The following NEMF variants were observed in gnomAD, a reference collection of about 807,000 sequenced individuals.
NEMF encodes nuclear export mediator factor.
Under a neutral mutation model 162.2 loss-of-function variants are expected in NEMF, and 89 were observed. The ratio of observed to expected loss-of-function variants is 0.55; its 90% CI spans 0.46 to 0.65. The LOEUF is 0.65. Among genes scored for constraint, NEMF ranks in the 30% least tolerant of loss-of-function variants. NEMF has a pLI of 0.00. For missense variants in NEMF, 1,133 were observed against 1,261.9 expected (o/e 0.90, Z 1.55); for synonymous variants, 421 against 404.5 (o/e 1.04, Z -0.49).
chr14:49,851,651 G>C lies in NEMF; in HGVS notation c.143C>G (p.Ala48Gly). ...LIRLQKPDFK[A>G]TLLLESGIRI... ...TATGCCAGATTCAAGTAAAAGTGTA[G>C]CTTTAAAGTCCGGTCTGTAGAAGAA... Residue 48 changes from alanine to glycine, a missense_variant, in exon 3 of 33, where the codon GCT (alanine) becomes GGT (glycine). By Grantham distance (60) the Ala-to-Gly change is moderately conservative (BLOSUM62 0). Coordinates refer to ENST00000298310, the MANE Select transcript of NEMF (RefSeq NM_004713.6). The C allele has an allele frequency of 6.2e-7, 1 of 1,613,598 alleles. No individual in the cohort carries two copies. The highest frequency in any genetic ancestry group is 1.1e-5 in the South Asian group (1 of 91,066).
chr14:49,828,702 CTTTT>C lies in NEMF; in HGVS notation c.1334_1337del (p.Gln445ArgfsTer16). Reference sequence around the variant, plus strand: ...TCTGAGGCTTCTGCAGCTGTTTATTCTTTTGTTTTTTCTTTTTTCCTTTTGGTGG... The same window carrying C: ...TCTGAGGCTTCTGCAGCTGTTTATTCGTTTTTTCTTTTTTCCTTTTGGTGG... On this transcript the variant is annotated frameshift_variant, in exon 14 of 33. Coordinates refer to ENST00000298310, the MANE Select transcript of NEMF (RefSeq NM_004713.6). LOFTEE classifies it high-confidence loss of function. The C allele has an allele frequency of 1.9e-6, 3 of 1,606,832 alleles. No individual in the cohort carries two copies. The highest frequency in any genetic ancestry group is 1.7e-5 in the Admixed American group (1 of 57,846).
chr14:49,833,362 G>A (rs909844534), intron 8 of NEMF, 61 bp downstream of exon 8: 9 of 1,012,546 alleles, frequency 8.9e-6, no homozygotes, highest in East Asian at 4.9e-5. Flanking sequence ...TTTAATGAAC[G>A]TTTAATTTCT....
Position 49,828,795 on chromosome 14 carries a change from C to T in NEMF, c.1245G>A (p.Leu415=), listed in dbSNP as rs985916082. 6.5e-7 allele frequency: 1 copy of T among 1,538,726 alleles called. No homozygotes were observed. The highest frequency in any genetic ancestry group is 8.8e-7 in the Non-Finnish European group (1 of 1,139,270). ...CATCATCATCTTCCTCCTCTGATAA[C>T]AAGTATGGATTTCTATTAAAAATAT... is the stretch of plus-strand genomic sequence containing the variant. ...HVTMLLRNPY[L]LSEEEDDDVD... is the part of the protein sequence containing the mutation. The change falls in exon 14 of 33, where the codon TTG becomes TTA. Residue 415 remains leucine, a synonymous_variant. Transcript: ENST00000298310.
At chr14:49,831,144 T>C (rs1298277584) in intron 11 of NEMF, among the ~76,000 whole-genome samples, 155 bp downstream of exon 11, 3 of 152,208 alleles carry the variant, frequency 2.0e-5, no homozygotes, top group East Asian at 3.8e-4. Context: ...CCCATGGACC[T>C]TCTTCATAAA....
Position 49,838,207 on chromosome 14 carries a change from CTGTGAAACAA to C in NEMF, c.507-11_507-2del. 6.2e-7 allele frequency: 1 copy of C among 1,613,742 alleles called. No homozygotes were observed. The highest frequency in any genetic ancestry group is 8.5e-7 in the Non-Finnish European group (1 of 1,179,732). ...TGCGCTGGCTACTATTTCAGTCAACCTGTGAAACAAAACGGACATGCCTCTATCATATCTT... is the reference window on the plus strand; with the variant it reads ...TGCGCTGGCTACTATTTCAGTCAACCAACGGACATGCCTCTATCATATCTT... On this transcript the variant is annotated splice_acceptor_variant and splice_polypyrimidine_tract_variant and intron_variant, in intron 5 of 32. Coordinates refer to ENST00000298310, the MANE Select transcript of NEMF (RefSeq NM_004713.6). LOFTEE classifies it high-confidence loss of function.
chr14:49,805,390 C>T (rs1020036401), intron 19 of NEMF, among the ~76,000 whole-genome samples: 1 of 151,626 alleles, frequency 6.6e-6, no homozygotes, highest in African/African-American at 2.4e-5. Context: ...TGGCCAGGCA[C>T]CATGGCTCAT....
At chr14:49,838,481 T>C (rs1254159827) in intron 5 of NEMF, among the ~76,000 whole-genome samples, 1 of 152,134 alleles carries the variant, frequency 6.6e-6, no homozygotes, top group Non-Finnish European at 1.5e-5. Context: ...GACATAAAAA[T>C]GACATTTTTC....
Position 49,838,813 on chromosome 14 carries a change from T to C in NEMF, c.507-607A>G, listed in dbSNP as rs967712913. Among the ~76,000 whole-genome samples the C allele has an allele frequency of 4.6e-5, 7 of 152,250 alleles. No individual in the cohort carries two copies. In the South Asian group the frequency reaches 8.3e-4, roughly 18 times the overall value. On this transcript the variant is annotated intron_variant, in intron 5 of 32. Transcript: ENST00000298310. ...GTTAGCCAGGATGGTCTCAATCTCC[T>C]GACCTTGTGATCCGCCCACCTTGGC...
rs1891173877 is a variant in NEMF at position 49,806,064 on chromosome 14, T to A, written c.1814A>T (p.Asp605Val). The change falls in exon 19 of 33, where the codon GAT becomes GTT. Residue 605 changes from aspartate (D) to valine (V), a missense_variant. Transcript: ENST00000298310. ...TMALCYSAAW[D>V]ARVITSAWWV... ...CCAAGCACTAGTGATAACTCGTGCA[T>A]CCCAAGCAGCACTGTAGCAAAGTGC... The A allele has an allele frequency of 1.2e-6, 2 of 1,611,474 alleles. No individual in the cohort carries two copies. Among genetic ancestry groups the A allele is most frequent in the South Asian group, 1.1e-5 (1 of 90,948 alleles).
chr14:49,784,758 A>G, intron 32 of NEMF, 45 bp from the exon 33 acceptor site: 1 of 1,524,456 alleles, frequency 6.6e-7, no homozygotes, highest in Non-Finnish European at 9.0e-7. Context: ...CTGTATGGTC[A>G]ATCATGTTTC....
chr14:49,790,345 T>C (rs1177137662), intron 26 of NEMF, among the ~76,000 whole-genome samples: 25 of 151,998 alleles, frequency 1.6e-4, no homozygotes, highest in Non-Finnish European at 1.5e-5. Context: ...ATACATCAAC[T>C]AGAAAGACAG....
intron 14 of NEMF, 78 bp downstream of exon 14, chr14:49,828,538 A>C (rs1445024516): frequency 8.6e-6 from 11 of 1,274,878 alleles, no homozygotes; most frequent in Non-Finnish European, 1.2e-5. Flanking sequence ...GTGAAATTTA[A>C]AATTTTTTAA....
At chr14:49,832,023 T>A in intron 10 of NEMF, 28 bp downstream of exon 10, 11 of 1,500,764 alleles carry the variant, frequency 7.3e-6, no homozygotes, top group Non-Finnish European at 1.0e-5. Flanking sequence ...GCTAACTAAC[T>A]GGTAAAGGAA....
chr14:49,821,648 C>A (rs1314391845), intron 16 of NEMF, among the ~76,000 whole-genome samples: 2 of 116,338 alleles, frequency 1.7e-5, no homozygotes, highest in African/African-American at 6.5e-5. Flanking sequence ...GGGGCTCAGC[C>A]CCCCGCCCGG....
intron 6 of NEMF, among the ~76,000 whole-genome samples, chr14:49,837,609 T>C (rs1299622684): frequency 6.6e-6 from 1 of 152,172 alleles, no homozygotes; most frequent in Non-Finnish European, 1.5e-5. Flanking sequence ...AAGATAACTT[T>C]TGAATGCTTT....
At chr14:49,794,751 C>T (rs1298428947) in intron 26 of NEMF, among the ~76,000 whole-genome samples, 2 of 145,900 alleles carry the variant, frequency 1.4e-5, no homozygotes, top group Non-Finnish European at 3.0e-5. Flanking sequence ...GCGAGTCTCG[C>T]CATGTCACCC....
In NEMF at chr14:49,784,507, T is replaced by C; in HGVS notation, c.*129A>G. The C allele has an allele frequency of 3.2e-6, 2 of 633,860 alleles. No individual in the cohort carries two copies. The highest frequency in any genetic ancestry group is 5.5e-6 in the Non-Finnish European group (2 of 366,008). The allele number at this position is 633,860 out of a possible 1,614,324, so 39.3% of individuals were successfully genotyped here. On this transcript the variant is annotated 3_prime_UTR_variant, in exon 33 of 33. Coordinates refer to ENST00000298310, the MANE Select transcript of NEMF (RefSeq NM_004713.6). ...AAAAACAAGAAGTAAGTCCTTTTGG[T>C]GAATATAGCAAGGCAATGTTTAGTT...
intron 6 of NEMF, among the ~76,000 whole-genome samples, chr14:49,836,496 T>C (rs144016533): frequency 0.02 from 3,111 of 151,766 alleles, 91 homozygotes; most frequent in African/African-American, 0.069. Context: ...TACCAAAAAA[T>C]AGAAAAATTA....
chr14:49,825,532 T>C (rs1175227469), intron 16 of NEMF, among the ~76,000 whole-genome samples: 3 of 152,128 alleles, frequency 2.0e-5, no homozygotes, highest in African/African-American at 7.2e-5. Flanking sequence ...GCCTAGAAGT[T>C]TGAGACCAGC....
Sources: gnomAD v4.1 joint callset for allele counts (sites outside exome capture counted in the v4.1 genomes callset) on GRCh38, gnomAD v4.1.1 for gene constraint, MANE v1.5 for transcripts, NCBI Gene and HGNC (gene_info 2026-07-23, HGNC 2026-07-21) for gene names.